ZNF782: variants seen among roughly 807,000 people sequenced by gnomAD.
ZNF782 encodes zinc finger protein 782.
ZNF782 carries 12 observed loss-of-function variants against 13.0 expected under a neutral mutation model. The ratio of observed to expected loss-of-function variants is 0.92; its 90% CI spans 0.59 to 1.50. The LOEUF is 1.50. ZNF782 is among the 40% of genes most tolerant of loss of function. The pLI is 0.00. For missense variants in ZNF782, 770 were observed against 822.9 expected (o/e 0.94, Z 0.79); for synonymous variants, 284 against 283.0 (o/e 1.00, Z -0.04).
chr9:96,831,393 T>C (rs753458603), intron 4 of ZNF782, among the ~76,000 whole-genome samples: 1 of 152,118 alleles, frequency 6.6e-6, no homozygotes, highest in Non-Finnish European at 1.5e-5. Flanking sequence ...TCTCAGAATG[T>C]TGAAACATTT....
intron 5 of ZNF782, among the ~76,000 whole-genome samples, chr9:96,825,627 A>G (rs909096380): frequency 2.0e-5 from 3 of 152,070 alleles, no homozygotes; most frequent in South Asian, 2.1e-4. Context: ...ACAACCTACA[A>G]AATGGGAGAA....
chr9:96,818,153 C>CACATTCATT lies in ZNF782; in HGVS notation c.1861_1869dup (p.Asn621_Cys623dup). ...ACTGACTTCTCACTGAAAGCTTTTC[C>CACATTCATT]ACATTCATTACATTCATAGGGCTTC... On this transcript the variant is annotated inframe_insertion, in exon 6 of 6. Transcript: ENST00000481138. 1 of 1,614,016 alleles carries CACATTCATT rather than the reference C, an allele frequency of 6.2e-7. No homozygotes were observed. Among genetic ancestry groups the CACATTCATT allele is most frequent in the Non-Finnish European group, 8.5e-7 (1 of 1,180,006 alleles).
intron 3 of ZNF782, among the ~76,000 whole-genome samples, chr9:96,849,152 T>C (rs760433483): frequency 6.6e-6 from 1 of 152,228 alleles, no homozygotes; most frequent in Non-Finnish European, 1.5e-5. Flanking sequence ...AATTTTTCCA[T>C]GGACCAGCGG....
the ZNF782 span, among the ~76,000 whole-genome samples, chr9:96,897,042 C>T: frequency 6.6e-6 from 1 of 152,150 alleles, no homozygotes; most frequent in African/African-American, 2.4e-5. Context: ...ATCCACCAAG[C>T]CATAAAGTTA....
At chr9:96,819,837 GA>G in intron 5 of ZNF782, 59 bp from the exon 6 acceptor site, 1 of 1,357,794 alleles carries the variant, frequency 7.4e-7, no homozygotes, top group Non-Finnish European at 9.9e-7. Flanking sequence ...TATGGAATGG[GA>G]CATATATGTA....
chr9:96,855,548 A>T (rs13293751), upstream of ZNF782, among the ~76,000 whole-genome samples: 4,032 of 152,324 alleles, frequency 0.026, 83 homozygotes, highest in Non-Finnish European at 0.04. Flanking sequence ...TTAGAATAAT[A>T]GTCTCCAATC....
rs1267672666 is a variant in ZNF782, at chr9:96,845,124, C to T, written c.16-108G>A. ...ACTGTTGAGAATTTAAAACAAAATG[C>T]TATAAGGGATTCTTATTAAGGCCCT... On this transcript the variant is annotated intron_variant, in intron 3 of 5. Coordinates refer to ENST00000481138, the MANE Select transcript of ZNF782 (RefSeq NM_001001662.3). The T allele has an allele frequency of 4.4e-6, 6 of 1,369,264 alleles. No individual in the cohort carries two copies. In the East Asian group the frequency reaches 1.2e-4, roughly 27 times the overall value. The allele number at this position is 1,369,264 out of a possible 1,614,324, so 84.8% of individuals were successfully genotyped here.
chr9:96,889,191 C>T, the ZNF782 span: 3 of 152,136 alleles, frequency 2.0e-5, no homozygotes, highest in African/African-American at 4.8e-5. Context: ...CTTCACCAAG[C>T]GAAATGCTGT....
At chr9:96,828,658 T>C (rs1850703734) in intron 4 of ZNF782, among the ~76,000 whole-genome samples, 1 of 152,050 alleles carries the variant, frequency 6.6e-6, no homozygotes, top group African/African-American at 2.4e-5. Context: ...ATAGAGAGAC[T>C]GGAAAATAAT....
the ZNF782 span, among the ~76,000 whole-genome samples, chr9:96,920,039 T>C: frequency 2.6e-5 from 4 of 151,096 alleles, no homozygotes; most frequent in African/African-American, 7.3e-5. Context: ...GATTAAGAAG[T>C]AGGTAAACTT....
At chr9:96,896,671 A>C in the ZNF782 span, among the ~76,000 whole-genome samples, 1 of 152,176 alleles carries the variant, frequency 6.6e-6, no homozygotes, top group Non-Finnish European at 1.5e-5. Flanking sequence ...TTACTCTCTG[A>C]CCTATTTGCC....
the ZNF782 span, among the ~76,000 whole-genome samples, chr9:96,917,403 A>G: frequency 1.2e-4 from 19 of 152,056 alleles, no homozygotes; most frequent in Middle Eastern, 3.4e-3. Flanking sequence ...ACAATAGGCG[A>G]CTGATTCTAA....
At chr9:96,877,202 A>G (rs1055708074), upstream of ZNF782, among the ~76,000 whole-genome samples, 11 of 152,134 alleles carry the variant, frequency 7.2e-5, no homozygotes, top group African/African-American at 2.7e-4. Context: ...GTGAGATGAT[A>G]AATTTAAATA....
At chr9:96,863,870 G>A (rs1232601101) in intron 1 of ZNF782, among the ~76,000 whole-genome samples, 5 of 152,002 alleles carry the variant, frequency 3.3e-5, no homozygotes, top group Non-Finnish European at 5.9e-5. Flanking sequence ...AGGAAGGTCG[G>A]GAGGGGGTTG....
At chr9:96,835,666 C>G (rs940902694) in intron 4 of ZNF782, among the ~76,000 whole-genome samples, 1 of 152,178 alleles carries the variant, frequency 6.6e-6, no homozygotes, top group Non-Finnish European at 1.5e-5. Flanking sequence ...GTCTAGAGGG[C>G]ATGAGCAGTA....
the ZNF782 span, among the ~76,000 whole-genome samples, chr9:96,885,360 C>T: frequency 6.6e-6 from 1 of 151,936 alleles, no homozygotes; most frequent in Non-Finnish European, 1.5e-5. Flanking sequence ...AAAAAGCCTG[C>T]TGGATATGCT....
chr9:96,820,663 T>C lies in ZNF782; in HGVS notation c.245-885A>G, dbSNP rs188025323. On this transcript the variant is annotated intron_variant, in intron 5 of 5. Transcript: ENST00000481138. ...CTCCTGGGTTCAAGTGATTCTCCTG[T>C]CTCAGCCTCCCGAGTAGCTGGGATT... Among the ~76,000 whole-genome samples, 10 of 151,940 alleles carry C rather than the reference T, an allele frequency of 6.6e-5. 1 individual carries two copies. Among genetic ancestry groups the C allele is most frequent in the African/African-American group, 2.4e-4 (10 of 41,462 alleles).
rs752413758 is a variant in ZNF782, at chr9:96,820,674, C to T, written c.245-896G>A. On this transcript the variant is annotated intron_variant, in intron 5 of 5. Transcript: ENST00000481138. The stretch of plus-strand genomic sequence containing the variant: ...AAGTGATTCTCCTGTCTCAGCCTCC[C>T]GAGTAGCTGGGATTACAGGCATGTG... Among the ~76,000 whole-genome samples the T allele has an allele frequency of 1.1e-4, 17 of 152,024 alleles. No individual in the cohort carries two copies. The East Asian group carries it at 2.1e-3, about 19-fold the overall frequency.
chr9:96,871,376 C>T (rs1851825119), intron 1 of ZNF782, among the ~76,000 whole-genome samples: 1 of 151,970 alleles, frequency 6.6e-6, no homozygotes, highest in African/African-American at 2.4e-5. Context: ...ATACCACAGC[C>T]TGGAAATCCT....
Sources: allele counts gnomAD v4.1 joint callset (sites outside exome capture counted in the v4.1 genomes callset), GRCh38; gene constraint gnomAD v4.1.1; transcripts MANE v1.5; gene names NCBI Gene and HGNC (gene_info 2026-07-23, HGNC 2026-07-21).